The following EYS variants were observed in gnomAD, a reference collection of about 807,000 sequenced individuals.
EYS encodes EGF-like photoreceptor maintenance factor, also known as protein eyes shut homolog.
Under a neutral mutation model 282.1 loss-of-function variants are expected in EYS, and 250 were observed. The observed-to-expected ratio is 0.89, with a 90% CI of 0.80 to 0.98. The LOEUF is 0.98. Among genes scored for constraint, EYS ranks in the 50% least tolerant of loss-of-function variants. The pLI, the probability that EYS is intolerant of heterozygous loss-of-function variation, is 0.00. For synonymous variants in EYS, 1,355 were observed against 1,282.9 expected, an observed-to-expected ratio of 1.06 and a Z score of -1.20; for missense variants, 4,016 against 3,709.0, an observed-to-expected ratio of 1.08 and a Z score of -2.15.
chr6:63,788,852 C>T (rs1023239387), intron 38 of EYS, among the ~76,000 whole-genome samples: 1 of 152,230 alleles, frequency 6.6e-6, no homozygotes, highest in Non-Finnish European at 1.5e-5. Context: ...AATCCTCTCT[C>T]TCACCCTTAT....
intron 29 of EYS, among the ~76,000 whole-genome samples, chr6:64,360,685 C>G (rs1771975168): frequency 6.6e-6 from 1 of 151,646 alleles, no homozygotes; most frequent in South Asian, 2.1e-4. Flanking sequence ...TGTGTTATTA[C>G]AAAATATATA....
chr6:64,677,372 G>T (rs1005306080), intron 22 of EYS, among the ~76,000 whole-genome samples: 1 of 151,854 alleles, frequency 6.6e-6, no homozygotes, highest in Admixed American at 6.6e-5. Context: ...TGAAATTATG[G>T]ATTTTACCAT....
intron 26 of EYS, among the ~76,000 whole-genome samples, chr6:64,470,679 C>T (rs1433962192): frequency 6.6e-6 from 1 of 152,134 alleles, no homozygotes; most frequent in African/African-American, 2.4e-5. Flanking sequence ...TCCAAGGCTG[C>T]ATATGGCCCA....
chr6:64,506,079 TAGAC>T (rs1443094042), intron 26 of EYS, among the ~76,000 whole-genome samples: 4 of 152,176 alleles, frequency 2.6e-5, no homozygotes, highest in East Asian at 1.9e-4. Context: ...CCTCATCTGT[TAGAC>T]AGAAATTATT....
intron 36 of EYS, among the ~76,000 whole-genome samples, chr6:63,831,717 T>C (rs1207287459): frequency 6.6e-6 from 1 of 152,172 alleles, no homozygotes; most frequent in Non-Finnish European, 1.5e-5. Flanking sequence ...TAAGCAGACA[T>C]AATAGGCATC....
intron 1 of EYS, among the ~76,000 whole-genome samples, chr6:65,664,357 TGAAG>T: frequency 6.6e-6 from 1 of 151,728 alleles, no homozygotes; most frequent in South Asian, 2.1e-4. Context: ...GTTATGGAAA[TGAAG>T]GGAGTAAAGA....
intron 19 of EYS, among the ~76,000 whole-genome samples, chr6:64,849,824 G>A (rs955619733): frequency 6.6e-6 from 1 of 151,262 alleles, no homozygotes; most frequent in African/African-American, 2.4e-5. Context: ...ACCAAAGAAA[G>A]ACTTCCCCTT....
chr6:64,872,998 C>G (rs2150055200), intron 19 of EYS, among the ~76,000 whole-genome samples: 1 of 152,114 alleles, frequency 6.6e-6, no homozygotes, highest in South Asian at 2.1e-4. Flanking sequence ...GCTAAAGAGA[C>G]TAAAACAAGG....
chr6:64,778,683 C>G (rs1773758312), intron 22 of EYS, among the ~76,000 whole-genome samples: 2 of 152,040 alleles, frequency 1.3e-5, no homozygotes, highest in Non-Finnish European at 2.9e-5. Flanking sequence ...ACAAAAACTC[C>G]TAAAAACCAC....
At chr6:64,357,501 T>C (rs1771862310) in intron 29 of EYS, among the ~76,000 whole-genome samples, 1 of 151,654 alleles carries the variant, frequency 6.6e-6, no homozygotes, top group Non-Finnish European at 1.5e-5. Flanking sequence ...GGAGGATGTT[T>C]CTCAACTTTC....
At chr6:65,343,081 T>C (rs185906974) in intron 10 of EYS, among the ~76,000 whole-genome samples, 1 of 151,368 alleles carries the variant, frequency 6.6e-6, no homozygotes, top group East Asian at 2.0e-4. Flanking sequence ...GCTTACTTCA[T>C]ATATTTATGA....
chr6:64,064,459 G>A (rs1771293509), intron 33 of EYS, among the ~76,000 whole-genome samples: 1 of 152,156 alleles, frequency 6.6e-6, no homozygotes, highest in South Asian at 2.1e-4. Flanking sequence ...CCTAGGGTCA[G>A]CCTACTCTCA....
chr6:64,988,471 T>TA (rs1770941909), intron 14 of EYS, among the ~76,000 whole-genome samples: 1 of 151,530 alleles, frequency 6.6e-6, no homozygotes, highest in Non-Finnish European at 1.5e-5. Context: ...TGAAAAAATC[T>TA]AAAAAAAGTT....
intron 26 of EYS, among the ~76,000 whole-genome samples, chr6:64,537,548 T>C (rs950065707): frequency 6.6e-6 from 1 of 152,176 alleles, no homozygotes; most frequent in African/African-American, 2.4e-5. Context: ...TTTTTATTCA[T>C]ATGGCTTTTC....
intron 22 of EYS, among the ~76,000 whole-genome samples, chr6:64,643,405 A>G (rs1262317448): frequency 1.3e-5 from 2 of 152,168 alleles, no homozygotes; most frequent in Non-Finnish European, 2.9e-5. Flanking sequence ...AACAAAAAGA[A>G]TTTCAGACAA....
intron 12 of EYS, among the ~76,000 whole-genome samples, chr6:65,288,751 C>A (rs568408515): frequency 6.6e-6 from 1 of 150,912 alleles, no homozygotes; most frequent in South Asian, 2.1e-4. Flanking sequence ...ATGTCTCCTG[C>A]TATTTTAAAG....
intron 14 of EYS, among the ~76,000 whole-genome samples, chr6:64,968,291 C>T (rs896483291): frequency 1.3e-5 from 2 of 152,050 alleles, no homozygotes; most frequent in Non-Finnish European, 2.9e-5. Flanking sequence ...TAAAATTACT[C>T]AGTGATGCAG....
In EYS at chr6:65,005,359, C is replaced by T. The variant is rs777256556; in HGVS notation, c.2138-7656G>A. On this transcript the variant is annotated intron_variant, in intron 13 of 42. Transcript: ENST00000503581. The stretch of plus-strand genomic sequence containing the variant: ...CTTCTAATAGAGCTATAACACTTAC[C>T]GCATGGCCCAAGATTCCATTCCTCG... 2.4e-4 allele frequency among the ~76,000 whole-genome samples: 35 copies of T among 147,538 alleles called. 6 individuals carry two copies. The highest frequency in any genetic ancestry group is 5.0e-4 in the Non-Finnish European group (33 of 65,882).
chr6:64,620,538 A>C (rs997711332), intron 23 of EYS, among the ~76,000 whole-genome samples: 1 of 152,180 alleles, frequency 6.6e-6, no homozygotes, highest in Non-Finnish European at 1.5e-5. Flanking sequence ...TTGCCTCTGC[A>C]GTACAGGAAA....
Sources: gnomAD v4.1 joint callset for allele counts (sites outside exome capture counted in the v4.1 genomes callset) on GRCh38, gnomAD v4.1.1 for gene constraint, MANE v1.5 for transcripts, NCBI Gene and HGNC (gene_info 2026-07-23, HGNC 2026-07-21) for gene names.